Variants in MDM1 observed in about 807,000 individuals in gnomAD.
MDM1 encodes the protein stabilizer of axonemal microtubules 6.
MDM1 carries 61 observed loss-of-function variants against 89.1 expected under a neutral mutation model. The ratio of observed to expected loss-of-function variants is 0.68; its 90% CI spans 0.56 to 0.85. The LOEUF (loss-of-function observed/expected upper bound fraction) is 0.85. Ranked by LOEUF, MDM1 falls within the 40% of genes least tolerant of loss-of-function variation. The pLI, the probability that MDM1 is intolerant of heterozygous loss-of-function variation, is 0.00. For synonymous variants in MDM1, 290 were observed against 294.1 expected (o/e 0.99, Z 0.14); for missense variants, 820 against 846.5 (o/e 0.97, Z 0.39).
At chr12:68,302,999 A>C (rs991714239) in intron 12 of MDM1, 127 bp from the exon 13 acceptor site, 6 of 769,044 alleles carry the variant, frequency 7.8e-6, no homozygotes, top group African/African-American at 7.0e-5. Context: ...AATTTATGCA[A>C]CATCTATGTG....
intron 1 of MDM1, chr12:68,331,883 T>C: frequency 5.0e-6 from 3 of 597,262 alleles, no homozygotes; most frequent in Admixed American, 2.2e-5. Context: ...GGGGGTTAAA[T>C]GCTAAGCTAA....
At position 68,295,176 on chromosome 12, in the gene MDM1, C is replaced by T; in HGVS notation, c.*78G>A. On this transcript the variant is annotated 3_prime_UTR_variant, in exon 15 of 15. Coordinates refer to ENST00000682720, the MANE Select transcript of MDM1 (RefSeq NM_001354969.2). Reference sequence around the variant, plus strand: ...GTAGAAAACGTTAGGAAAAACTTCACTCAAAAAATTTTAACACAGTAAGCA... The same window carrying T: ...GTAGAAAACGTTAGGAAAAACTTCATTCAAAAAATTTTAACACAGTAAGCA... The T allele has an allele frequency of 6.9e-6, 6 of 872,244 alleles. No individual in the cohort carries two copies. Among genetic ancestry groups the T allele is most frequent in the South Asian group, 6.6e-5 (4 of 60,830 alleles). The allele number at this position is 872,244 out of a possible 1,614,324, so 54.0% of individuals were successfully genotyped here.
At chr12:68,308,715 GAA>G (rs1305971959) in intron 12 of MDM1, among the ~76,000 whole-genome samples, 1 of 152,188 alleles carries the variant, frequency 6.6e-6, no homozygotes, top group African/African-American at 2.4e-5. Context: ...TCAGATCCTA[GAA>G]CAGTGCCTGG....
At chr12:68,305,776 A>G (rs987513833) in intron 12 of MDM1, among the ~76,000 whole-genome samples, 1 of 152,222 alleles carries the variant, frequency 6.6e-6, no homozygotes, top group Non-Finnish European at 1.5e-5. Context: ...AAAGCATTCC[A>G]CGCCCATGGA....
chr12:68,323,615 A>G (rs1875545447), intron 4 of MDM1, among the ~76,000 whole-genome samples: 1 of 152,042 alleles, frequency 6.6e-6, no homozygotes, highest in African/African-American at 2.4e-5. Context: ...CTGAATACCC[A>G]ATATGTTCAA....
At chr12:68,315,627 T>C (rs1874384694) in intron 9 of MDM1, among the ~76,000 whole-genome samples, 1 of 152,192 alleles carries the variant, frequency 6.6e-6, no homozygotes, top group Admixed American at 6.5e-5. Flanking sequence ...TTACAGATAA[T>C]TAAATCATGT....
At chr12:68,311,831 T>C (rs935909068) in intron 12 of MDM1, among the ~76,000 whole-genome samples, 11 of 152,226 alleles carry the variant, frequency 7.2e-5, no homozygotes, top group African/African-American at 2.2e-4. Context: ...CTTTTTTCTC[T>C]TGAATTCACT....
intron 7 of MDM1, among the ~76,000 whole-genome samples, chr12:68,319,905 T>G (rs1354369091): frequency 6.6e-6 from 1 of 152,196 alleles, no homozygotes; most frequent in Admixed American, 6.5e-5. Flanking sequence ...ATGACTTCAG[T>G]TTTAACAATC....
intron 12 of MDM1, among the ~76,000 whole-genome samples, chr12:68,308,365 A>T (rs1873213499): frequency 6.6e-6 from 1 of 152,086 alleles, no homozygotes; most frequent in South Asian, 2.1e-4. Context: ...ACCTCAAGTG[A>T]TCCACCTGCC....
At chr12:68,308,454 CT>C (rs1873228617) in intron 12 of MDM1, among the ~76,000 whole-genome samples, 1 of 152,170 alleles carries the variant, frequency 6.6e-6, no homozygotes, top group Non-Finnish European at 1.5e-5. Context: ...AAAACAATCT[CT>C]GCCCCAGATC....
chr12:68,297,043 T>TTA, intron 13 of MDM1, 61 bp from the exon 14 acceptor site: 8 of 1,237,436 alleles, frequency 6.5e-6, no homozygotes, highest in Non-Finnish European at 9.0e-6. Context: ...CTTATCTCAA[T>TTA]TATATACTAA....
intron 4 of MDM1, among the ~76,000 whole-genome samples, chr12:68,324,574 A>T (rs1030068833): frequency 3.3e-5 from 5 of 152,164 alleles, no homozygotes; most frequent in Non-Finnish European, 7.4e-5. Flanking sequence ...TGTCTTGCTG[A>T]ATCTAATTAT....
At chr12:68,327,526 G>T (rs1876185338) in intron 2 of MDM1, 1 of 1,532,590 alleles carries the variant, frequency 6.5e-7, no homozygotes, top group Middle Eastern at 1.7e-4. Flanking sequence ...AATTAAAAAA[G>T]AATAAGCCCT....
intron 12 of MDM1, among the ~76,000 whole-genome samples, chr12:68,303,865 T>C (rs1872541336): frequency 6.6e-6 from 1 of 152,230 alleles, no homozygotes; most frequent in South Asian, 2.1e-4. Flanking sequence ...CCTTCTTTTT[T>C]AGTTTGGTCA....
chr12:68,327,436 A>C, intron 2 of MDM1: 1 of 1,535,898 alleles, frequency 6.5e-7, no homozygotes, highest in Non-Finnish European at 8.7e-7. Context: ...AGCTTCTCTT[A>C]TGTGGAGCAG....
intron 14 of MDM1, among the ~76,000 whole-genome samples, chr12:68,296,513 G>A (rs752323254): frequency 2.0e-5 from 3 of 152,092 alleles, no homozygotes; most frequent in Admixed American, 6.6e-5. Flanking sequence ...AAAACAAAAC[G>A]AAACAGCAAA....
At chr12:68,301,572 C>T (rs1489142244) in intron 13 of MDM1, among the ~76,000 whole-genome samples, 3 of 151,998 alleles carry the variant, frequency 2.0e-5, no homozygotes, top group Non-Finnish European at 2.9e-5. Context: ...ACCAAAACTA[C>T]CTGTACCCCA....
intron 9 of MDM1, 71 bp from the exon 10 acceptor site, chr12:68,315,336 G>A: frequency 7.1e-7 from 1 of 1,408,302 alleles, no homozygotes; most frequent in Non-Finnish European, 9.7e-7. Flanking sequence ...CAATTTTAGT[G>A]AGTCCATCAT....
chr12:68,326,224 C>T (rs1281895518), intron 3 of MDM1: 2 of 1,110,230 alleles, frequency 1.8e-6, no homozygotes, highest in Non-Finnish European at 2.2e-6. Context: ...ACAGCCAGAG[C>T]TCTCCTTCCT....
Sources: allele counts gnomAD v4.1 joint callset (sites outside exome capture counted in the v4.1 genomes callset), GRCh38; gene constraint gnomAD v4.1.1; transcripts MANE v1.5; gene names NCBI Gene and HGNC (gene_info 2026-07-23, HGNC 2026-07-21).